The following STK24 variants were observed in gnomAD, a reference collection of about 807,000 sequenced individuals.
STK24 encodes serine/threonine kinase 24, also known as serine/threonine-protein kinase 24.
In STK24, 21 loss-of-function variants were observed where a neutral mutation model predicts 55.6. That is an observed-to-expected ratio of 0.38 (90% CI 0.27 to 0.54). The LOEUF (loss-of-function observed/expected upper bound fraction) is 0.54. Among genes scored for constraint, STK24 ranks in the 20% least tolerant of loss-of-function variants. STK24 has a pLI of 0.79. For missense variants in STK24, 383 were observed against 538.4 expected, an observed-to-expected ratio of 0.71 and a Z score of 2.86; for synonymous variants, 200 against 215.2, an observed-to-expected ratio of 0.93 and a Z score of 0.62.
chr13:98,573,440 G>A (rs546925283), intron 1 of STK24, among the ~76,000 whole-genome samples: 14 of 152,128 alleles, frequency 9.2e-5, no homozygotes, highest in African/African-American at 2.9e-4. Context: ...ATGTTTATTC[G>A]TCACTATATT....
In STK24 at chr13:98,446,513, A is replaced by G. The variant is rs1045880410; in HGVS notation, c.*6660T>C. On this transcript the variant is annotated 3_prime_UTR_variant, in exon 11 of 11. Transcript: ENST00000539966. ...ACTTGCCACCCGGGCCATCACGTAC[A>G]GGCAAACACTGGCTGCCATGGTCCC... The G allele has an allele frequency of 2.7e-6, 2 of 747,840 alleles. No individual in the cohort carries two copies. Among genetic ancestry groups the G allele is most frequent in the Non-Finnish European group, 4.4e-6 (2 of 453,140 alleles). 46.3% of individuals were successfully genotyped at this position (747,840 alleles called of 1,614,324 possible). A position where few individuals can be genotyped will look rare whatever the true frequency, so the allele number is the denominator to read the frequency against.
At chr13:98,560,112 T>C (rs1412884269) in intron 1 of STK24, among the ~76,000 whole-genome samples, 1 of 152,238 alleles carries the variant, frequency 6.6e-6, no homozygotes, top group Non-Finnish European at 1.5e-5. Context: ...TAAACTGATC[T>C]GAAGCCGGTT....
At chr13:98,558,406 G>A (rs1403606134) in intron 1 of STK24, among the ~76,000 whole-genome samples, 1 of 152,160 alleles carries the variant, frequency 6.6e-6, no homozygotes, top group Non-Finnish European at 1.5e-5. Flanking sequence ...GCAGCAAAGA[G>A]GAATGCAGTA....
intron 1 of STK24, among the ~76,000 whole-genome samples, chr13:98,546,909 T>C (rs1897042977): frequency 1.3e-5 from 2 of 152,068 alleles, no homozygotes; most frequent in South Asian, 4.1e-4. Flanking sequence ...TTGTTTTTTT[T>C]TGTTTGTTTG....
rs1379363989 is a variant in STK24 at position 98,450,820 on chromosome 13, C to G, written c.*2353G>C. The G allele has an allele frequency of 6.6e-6, 1 of 152,240 alleles. No individual in the cohort carries two copies. Among genetic ancestry groups the G allele is most frequent in the African/African-American group, 2.4e-5 (1 of 41,456 alleles). The allele number at this position is 152,240 out of a possible 1,614,324, so 9.4% of individuals were successfully genotyped here. A position where few individuals can be genotyped will look rare whatever the true frequency, so the allele number is the denominator to read the frequency against. On this transcript the variant is annotated 3_prime_UTR_variant, in exon 11 of 11. Transcript: ENST00000539966. Reference sequence around the variant, plus strand: ...AGGCCTGGAAGTGGCGACACAAAAGCCAGCTTCCTTGGCTAAGATGCCCTT... The same window carrying G: ...AGGCCTGGAAGTGGCGACACAAAAGGCAGCTTCCTTGGCTAAGATGCCCTT...
Position 98,446,008 on chromosome 13 carries a change from G to C in STK24, c.*7165C>G, listed in dbSNP as rs1010154549. ...ATCCTTCAGTCACGGACATGCCCCA[G>C]CCCAGGGCCCTGGTGCAGGGAGAGC... On this transcript the variant is annotated 3_prime_UTR_variant, in exon 11 of 11. Coordinates refer to ENST00000539966, the MANE Select transcript of STK24 (RefSeq NM_001032296.4). 2 of 866,362 alleles carry C rather than the reference G, an allele frequency of 2.3e-6. No homozygotes were observed. Among genetic ancestry groups the C allele is most frequent in the African/African-American group, 1.7e-5 (1 of 60,402 alleles). 53.7% of individuals were successfully genotyped at this position (866,362 alleles called of 1,614,324 possible). A position where few individuals can be genotyped will look rare whatever the true frequency, so the allele number is the denominator to read the frequency against.
chr13:98,457,178 G>A lies in STK24; in HGVS notation c.1249C>T (p.Arg417Trp). The change falls in exon 10 of 11, where the codon CGG becomes TGG. Residue 417 changes from arginine to tryptophan, a missense_variant. Coordinates refer to ENST00000539966, the MANE Select transcript of STK24 (RefSeq NM_001032296.4). Reference sequence around the variant, plus strand: ...GCCCTGGGTAGTTACCTCTGGAGCCGCTGCACGAGCTGGGCCACCATGGTG... The same window carrying A: ...GCCCTGGGTAGTTACCTCTGGAGCCACTGCACGAGCTGGGCCACCATGGTG... ...SDTMVAQLVQ[R>W]LQRYSLSGGG... 2 of 1,610,636 alleles carry A rather than the reference G, an allele frequency of 1.2e-6. No homozygotes were observed. The highest frequency in any genetic ancestry group is 1.7e-6 in the Non-Finnish European group (2 of 1,179,432).
At chr13:98,565,944 C>A (rs1296815783) in intron 1 of STK24, among the ~76,000 whole-genome samples, 2 of 152,254 alleles carry the variant, frequency 1.3e-5, no homozygotes, top group African/African-American at 4.8e-5. Context: ...GCAGTGCCAG[C>A]CCGGTGGGCT....
intron 3 of STK24, among the ~76,000 whole-genome samples, chr13:98,481,865 T>C (rs912464585): frequency 6.6e-6 from 1 of 152,010 alleles, no homozygotes; most frequent in African/African-American, 2.4e-5. Context: ...TTGGCCAACA[T>C]GGCAAAACCC....
At chr13:98,499,017 C>A (rs1895347853) in intron 2 of STK24, among the ~76,000 whole-genome samples, 1 of 151,978 alleles carries the variant, frequency 6.6e-6, no homozygotes, top group South Asian at 2.1e-4. Context: ...GAGGCTGAAG[C>A]GGGTGGATCA....
At chr13:98,478,500 G>C (rs1321810608) in intron 3 of STK24, among the ~76,000 whole-genome samples, 2 of 152,222 alleles carry the variant, frequency 1.3e-5, no homozygotes, top group Non-Finnish European at 2.9e-5. Flanking sequence ...AAGACCAAGG[G>C]AAGCCTGGGG....
intron 1 of STK24, among the ~76,000 whole-genome samples, chr13:98,540,555 A>G (rs574730518): frequency 6.6e-6 from 1 of 152,166 alleles, no homozygotes; most frequent in South Asian, 2.1e-4. Context: ...AAACCAAAAA[A>G]AGCTAAGTAT....
At chr13:98,534,108 G>A (rs1225980487) in intron 1 of STK24, among the ~76,000 whole-genome samples, 2 of 152,300 alleles carry the variant, frequency 1.3e-5, no homozygotes, top group Middle Eastern at 3.4e-3. Flanking sequence ...AGAGGCAGCC[G>A]AGGAGGCAAG....
intron 1 of STK24, among the ~76,000 whole-genome samples, chr13:98,525,970 C>T (rs116574055): frequency 0.016 from 2,427 of 152,224 alleles, 59 homozygotes; most frequent in African/African-American, 0.054. Flanking sequence ...TGGGGGACCT[C>T]GGGGTTAAGA....
intron 2 of STK24, among the ~76,000 whole-genome samples, chr13:98,490,842 A>C (rs1017140648): frequency 7.9e-5 from 12 of 151,998 alleles, no homozygotes; most frequent in Admixed American, 2.0e-4. Flanking sequence ...AAAAAAAAAA[A>C]AAAACAGAAC....
chr13:98,519,241 A>G lies in STK24; in HGVS notation c.273+2T>C. The G allele has an allele frequency of 6.2e-7, 1 of 1,612,516 alleles. No homozygotes were observed. The highest frequency in any genetic ancestry group is 8.5e-7 in the Non-Finnish European group (1 of 1,178,572). On this transcript the variant is annotated splice_donor_variant, in intron 2 of 10. Coordinates refer to ENST00000539966, the MANE Select transcript of STK24 (RefSeq NM_001032296.4). LOFTEE classifies it high-confidence loss of function. ...GGAGAAGCACGTTATTTTAAGCCTTACCTTCAGATAGGATCCATAATATTT... is the reference window on the plus strand; with the variant it reads ...GGAGAAGCACGTTATTTTAAGCCTTGCCTTCAGATAGGATCCATAATATTT...
Position 98,450,543 on chromosome 13 carries a change from C to T in STK24, c.*2630G>A, listed in dbSNP as rs895375816. On this transcript the variant is annotated 3_prime_UTR_variant, in exon 11 of 11. Transcript: ENST00000539966. ...TGGTGTCCACCTCATTGGCAGCAGC[C>T]AGCCAGGACACAGCTCAAAAACGCA... 2.0e-5 allele frequency: 3 copies of T among 152,352 alleles called. No homozygotes were observed. The highest frequency in any genetic ancestry group is 7.2e-5 in the African/African-American group (3 of 41,470). 9.4% of individuals were successfully genotyped at this position (152,352 alleles called of 1,614,324 possible). A position where few individuals can be genotyped will look rare whatever the true frequency, so the allele number is the denominator to read the frequency against.
chr13:98,475,015 G>A, intron 4 of STK24, 37 bp from the exon 5 acceptor site: 1 of 1,575,794 alleles, frequency 6.3e-7, no homozygotes, highest in Non-Finnish European at 8.6e-7. Context: ...GGGCGGTGCG[G>A]ACTTACAACT....
intron 1 of STK24, among the ~76,000 whole-genome samples, chr13:98,524,608 G>A (rs75252395): frequency 0.017 from 2,632 of 152,326 alleles, 28 homozygotes; most frequent in Middle Eastern, 0.031. Flanking sequence ...CCAAGGAATG[G>A]TGAGAAATGC....
Sources: gnomAD v4.1 joint callset for allele counts (sites outside exome capture counted in the v4.1 genomes callset) on GRCh38, gnomAD v4.1.1 for gene constraint, MANE v1.5 for transcripts, NCBI Gene and HGNC (gene_info 2026-07-23, HGNC 2026-07-21) for gene names.